IFFO2: variants seen among roughly 807,000 people sequenced by gnomAD.
The protein encoded by IFFO2 is intermediate filament family orphan 2.
IFFO2 carries 19 observed loss-of-function variants against 53.5 expected under a neutral mutation model. The observed-to-expected ratio is 0.36, with a 90% CI of 0.25 to 0.52. The LOEUF (loss-of-function observed/expected upper bound fraction) is 0.52, where lower values mean the gene tolerates loss of function less well. IFFO2 is among the 20% of genes least tolerant of loss of function. The pLI is 0.94. For synonymous variants in IFFO2, 303 were observed against 313.6 expected (o/e 0.97, Z 0.36); for missense variants, 570 against 727.4 (o/e 0.78, Z 2.49).
chr1:18,944,199 C>T (rs1936557418), intron 1 of IFFO2, among the ~76,000 whole-genome samples: 1 of 152,172 alleles, frequency 6.6e-6, no homozygotes, highest in Admixed American at 6.5e-5. Flanking sequence ...TACAGAATGG[C>T]TGAAGGTCGC....
In IFFO2 at chr1:18,905,561, C is replaced by T. The variant is rs897057403; in HGVS notation, c.*3000G>A. 4 of 152,104 alleles carry T rather than the reference C, an allele frequency of 2.6e-5. No homozygotes were observed. The highest frequency in any genetic ancestry group is 5.9e-5 in the Non-Finnish European group (4 of 68,032). The allele number at this position is 152,104 out of a possible 1,614,324, so 9.4% of individuals were successfully genotyped here. On this transcript the variant is annotated 3_prime_UTR_variant, in exon 9 of 9. Coordinates refer to ENST00000455833, the MANE Select transcript of IFFO2 (RefSeq NM_001136265.2). ...TTCTCCCTAGGTCATCTGAGCTCTA[C>T]CCACAGAGTTAGTCCACGATGGATT...
rs1204244362 is a variant in IFFO2, at chr1:18,928,754, C to T, written c.666-7633G>A. Among the ~76,000 whole-genome samples the T allele has an allele frequency of 6.6e-6, 1 of 152,240 alleles. No individual in the cohort carries two copies. Among genetic ancestry groups the T allele is most frequent in the Non-Finnish European group, 1.5e-5 (1 of 68,028 alleles). ...TTGCTGCATGACCCTGAGCAAGTCC[C>T]TTCTCTGCCCTGGGCCTCAGTCTCC... is the stretch of plus-strand genomic sequence containing the variant. On this transcript the variant is annotated intron_variant, in intron 1 of 8. Coordinates refer to ENST00000455833, the MANE Select transcript of IFFO2 (RefSeq NM_001136265.2). This position sits in a 1 kb window ranked among gnomAD's most constrained non-coding sequence, Gnocchi z 4.9.
In IFFO2 at chr1:18,950,753, C is replaced by A. The variant is rs534148621; in HGVS notation, c.665+4915G>T. 9.2e-5 allele frequency among the ~76,000 whole-genome samples: 14 copies of A among 152,272 alleles called. No homozygotes were observed. In the South Asian group the frequency reaches 2.9e-3, roughly 32 times the overall value. Reference sequence around the variant, plus strand: ...GGCCAGCACCCACCTGCTTGAGGGCCCCCCTGGGGTGTGACGGGAATGGGC... The same window carrying A: ...GGCCAGCACCCACCTGCTTGAGGGCACCCCTGGGGTGTGACGGGAATGGGC... On this transcript the variant is annotated intron_variant, in intron 1 of 8. Coordinates refer to ENST00000455833, the MANE Select transcript of IFFO2 (RefSeq NM_001136265.2).
At chr1:18,921,853 C>A (rs541700906) in intron 1 of IFFO2, among the ~76,000 whole-genome samples, 1 of 152,054 alleles carries the variant, frequency 6.6e-6, no homozygotes, top group Non-Finnish European at 1.5e-5. Context: ...GAATAGGAAA[C>A]GCGGGCGGGA....
intron 1 of IFFO2, among the ~76,000 whole-genome samples, chr1:18,938,237 T>C (rs1936474806): frequency 6.6e-6 from 1 of 152,208 alleles, no homozygotes; most frequent in African/African-American, 2.4e-5. Context: ...ATAACAATAG[T>C]ACCTACACCT....
chr1:18,952,746 G>C (rs564586728), intron 1 of IFFO2, among the ~76,000 whole-genome samples: 1 of 152,212 alleles, frequency 6.6e-6, no homozygotes, highest in Admixed American at 6.5e-5. Context: ...CTTTTTGGGG[G>C]CTGATGCAAT....
At position 18,917,804 on chromosome 1, in the gene IFFO2, C is replaced by T. The variant is rs1360751542; in HGVS notation, c.963+558G>A. Among the ~76,000 whole-genome samples, 1 of 152,186 alleles carries T rather than the reference C, an allele frequency of 6.6e-6. No homozygotes were observed. The highest frequency in any genetic ancestry group is 1.5e-5 in the Non-Finnish European group (1 of 68,026). On this transcript the variant is annotated intron_variant, in intron 4 of 8. Transcript: ENST00000455833. The surrounding 1 kb of genome is among the most constrained non-coding windows in gnomAD (Gnocchi z 5.9). ...AGCCTCACTGGCGCTAACCTGATCG[C>T]CGTCTCTCGGGGGCACCCACACTTG...
At chr1:18,948,008 C>T (rs558036845) in intron 1 of IFFO2, among the ~76,000 whole-genome samples, 27 of 152,312 alleles carry the variant, frequency 1.8e-4, no homozygotes, top group African/African-American at 6.0e-4. Context: ...GTGGCGAGAT[C>T]TGGGACAGAA....
intron 1 of IFFO2, among the ~76,000 whole-genome samples, chr1:18,937,938 AC>A (rs1936470781): frequency 6.6e-6 from 1 of 152,126 alleles, no homozygotes; most frequent in Admixed American, 6.5e-5. Context: ...CTCAACTCCA[AC>A]CCAGCGGGGG....
At chr1:18,944,127 T>C (rs1388279011) in intron 1 of IFFO2, among the ~76,000 whole-genome samples, 1 of 152,150 alleles carries the variant, frequency 6.6e-6, no homozygotes, top group Non-Finnish European at 1.5e-5. Context: ...TGGGCCTCAG[T>C]TTTCTCATCT....
intron 1 of IFFO2, among the ~76,000 whole-genome samples, chr1:18,924,650 A>G (rs1429268528): frequency 1.3e-5 from 2 of 152,222 alleles, no homozygotes; most frequent in Non-Finnish European, 2.9e-5. Context: ...GTCTGACAGA[A>G]TCCTACGCCC....
intron 7 of IFFO2, among the ~76,000 whole-genome samples, chr1:18,910,871 T>C (rs1221384792): frequency 6.6e-6 from 1 of 152,262 alleles, no homozygotes; most frequent in East Asian, 1.9e-4. Flanking sequence ...TGGGCTTCCC[T>C]TTCTCCTGCA....
intron 7 of IFFO2, among the ~76,000 whole-genome samples, chr1:18,910,939 G>A (rs1420072652): frequency 6.6e-6 from 1 of 152,262 alleles, no homozygotes; most frequent in Non-Finnish European, 1.5e-5. Flanking sequence ...TGGAGCCAGA[G>A]AGAATTATAC....
intron 1 of IFFO2, among the ~76,000 whole-genome samples, chr1:18,955,437 C>T (rs1936711234): frequency 6.6e-6 from 1 of 152,228 alleles, no homozygotes; most frequent in South Asian, 2.1e-4. Flanking sequence ...AAACAATGTG[C>T]CTCACCAGTG....
chr1:18,913,911 G>T (rs566420866), intron 5 of IFFO2, among the ~76,000 whole-genome samples: 1 of 152,270 alleles, frequency 6.6e-6, no homozygotes, highest in South Asian at 2.1e-4. Flanking sequence ...GCTCACTGCA[G>T]GCTCCGCCCC....
chr1:18,947,472 G>A lies in IFFO2; in HGVS notation c.665+8196C>T, dbSNP rs1379569668. ...TCACAGCAGGAAAGCGGCTTGCAAT[G>A]GGCATGGCCCTTTCTGGGTACAGCA... On this transcript the variant is annotated intron_variant, in intron 1 of 8. Transcript: ENST00000455833. This position sits in a 1 kb window ranked among gnomAD's most constrained non-coding sequence, Gnocchi z 5.0. Among the ~76,000 whole-genome samples the A allele has an allele frequency of 6.6e-6, 1 of 152,186 alleles. No individual in the cohort carries two copies. The highest frequency in any genetic ancestry group is 1.5e-5 in the Non-Finnish European group (1 of 68,030).
rs1936174833 is a variant in IFFO2 at position 18,918,947 on chromosome 1, T to C, written c.823-445A>G. Among the ~76,000 whole-genome samples, 4 of 152,096 alleles carry C rather than the reference T, an allele frequency of 2.6e-5. No individual in the cohort carries two copies. The South Asian group carries it at 8.3e-4, about 31-fold the overall frequency. The stretch of plus-strand genomic sequence containing the variant: ...ACTGAGGACCACAGGGTTGATCCCC[T>C]TGGACACAAGTGAGAGGGAGCCCAG... On this transcript the variant is annotated intron_variant, in intron 3 of 8. Transcript: ENST00000455833. The surrounding 1 kb of genome is among the most constrained non-coding windows in gnomAD (Gnocchi z 5.2).
Position 18,919,686 on chromosome 1 carries a change from T to A in IFFO2, c.814A>T (p.Met272Leu), listed in dbSNP as rs1268355893. ...CGGCGGGCGGCACTTACGTCACTCA[T>A]AAGCCCCTTAAACACCACCAGCTCG... is the stretch of plus-strand genomic sequence containing the variant. ...KAELVVFKGL[M>L]SDPMTDLDTK... is the part of the protein sequence containing the mutation. The change falls in exon 3 of 9, where the codon ATG becomes TTG. Residue 272 changes from methionine (M) to leucine (L), a missense_variant. Physicochemically the swap from Met to Leu is conservative, Grantham distance 15. Transcript: ENST00000455833. This position sits in a 1 kb window ranked among gnomAD's most constrained non-coding sequence, Gnocchi z 4.9. 4 of 1,551,202 alleles carry A rather than the reference T, an allele frequency of 2.6e-6. No homozygotes were observed. The Admixed American group carries it at 7.8e-5, about 30-fold the overall frequency.
intron 1 of IFFO2, among the ~76,000 whole-genome samples, chr1:18,922,452 C>A (rs140375697): frequency 6.6e-6 from 1 of 152,076 alleles, no homozygotes; most frequent in Non-Finnish European, 1.5e-5. Flanking sequence ...GGTGGAGAGC[C>A]GGTTACGTCA....
Sources: gnomAD v4.1 joint callset for allele counts (sites outside exome capture counted in the v4.1 genomes callset) on GRCh38, gnomAD v4.1.1 for gene constraint, Gnocchi (gnomAD v3.1) non-coding constraint, MANE v1.5 for transcripts, NCBI Gene and HGNC (gene_info 2026-07-23, HGNC 2026-07-21) for gene names.